Variants in RPL22L1 observed in about 807,000 individuals in gnomAD.
RPL22L1 encodes the protein ribosomal protein L22 like 1.
In RPL22L1, 19 loss-of-function variants were observed where a neutral mutation model predicts 17.3. That is an observed-to-expected ratio of 1.10 (90% CI 0.77 to 1.61). The LOEUF is 1.61. RPL22L1 is among the 40% of genes most tolerant of loss of function. The pLI, the probability that RPL22L1 is intolerant of heterozygous loss-of-function variation, is 0.00. For missense variants in RPL22L1, 139 were observed against 144.4 expected (o/e 0.96, Z 0.19); for synonymous variants, 48 against 48.5 (o/e 0.99, Z 0.05).
Position 170,868,290 on chromosome 3 carries a change from A to T in RPL22L1, c.102+8T>A. 1 of 1,570,772 alleles carries T rather than the reference A, an allele frequency of 6.4e-7. No homozygotes were observed. Among genetic ancestry groups the T allele is most frequent in the Non-Finnish European group, 8.8e-7 (1 of 1,142,674 alleles). ...TTACAAAAATAAGCCGAGTAGAATG[A>T]TACTTACAAAATTTCCAGAATCAAA... On this transcript the variant is annotated splice_region_variant and intron_variant, in intron 2 of 3. Coordinates refer to ENST00000295830, the MANE Select transcript of RPL22L1 (RefSeq NM_001099645.2).
chr3:170,866,363 G>A lies in RPL22L1; in HGVS notation c.*17C>T, dbSNP rs1317780522. On this transcript the variant is annotated 3_prime_UTR_variant, in exon 4 of 4. Transcript: ENST00000295830. ...TTATTTTATTAATAAGCAAAGCCCT[G>A]TAAGGGGAGCCTTTGCCTAGTCCTC... The A allele has an allele frequency of 6.3e-7, 1 of 1,588,726 alleles. No homozygotes were observed. Among genetic ancestry groups the A allele is most frequent in the Non-Finnish European group, 8.6e-7 (1 of 1,165,952 alleles).
intron 1 of RPL22L1, among the ~76,000 whole-genome samples, chr3:170,869,527 A>G (rs1219752885): frequency 2.6e-5 from 4 of 152,348 alleles, no homozygotes; most frequent in East Asian, 1.9e-4. Context: ...TAAATTGCGC[A>G]TGTATATCTA....
At chr3:170,868,244 A>G in intron 2 of RPL22L1, 54 bp downstream of exon 2, 2 of 1,464,638 alleles carry the variant, frequency 1.4e-6, no homozygotes, top group Non-Finnish European at 1.9e-6. Context: ...TATATATTTA[A>G]ACCATTATCA....
intron 1 of RPL22L1, chr3:170,869,915 A>C (rs1434554091): frequency 1.5e-6 from 1 of 670,858 alleles, no homozygotes; most frequent in Admixed American, 2.1e-5. Flanking sequence ...CGCGTGTCCA[A>C]AACCACCCAT....
chr3:170,868,840 A>C (rs1711876183), intron 1 of RPL22L1, among the ~76,000 whole-genome samples: 4 of 150,574 alleles, frequency 2.7e-5, no homozygotes, highest in Admixed American at 2.6e-4. Flanking sequence ...AAAAAGAAAA[A>C]ATAAAAATAA....
chr3:170,868,415 TAG>T, intron 1 of RPL22L1, 25 bp from the exon 2 acceptor site: 1 of 1,396,914 alleles, frequency 7.2e-7, no homozygotes, highest in Non-Finnish European at 1.0e-6. Context: ...AATAATTATG[TAG>T]CTATATAAAA....
chr3:170,868,480 T>C, intron 1 of RPL22L1, 90 bp from the exon 2 acceptor site: 1 of 746,354 alleles, frequency 1.3e-6, no homozygotes, highest in Non-Finnish European at 2.3e-6. Flanking sequence ...ATGCAATCTG[T>C]ACAATGTACT....
rs1711760748 is a variant in RPL22L1, at chr3:170,866,372, G to A, written c.*8C>T. 1 of 1,596,612 alleles carries A rather than the reference G, an allele frequency of 6.3e-7. No homozygotes were observed. Among genetic ancestry groups the A allele is most frequent in the Admixed American group, 1.7e-5 (1 of 58,166 alleles). On this transcript the variant is annotated 3_prime_UTR_variant, in exon 4 of 4. Coordinates refer to ENST00000295830, the MANE Select transcript of RPL22L1 (RefSeq NM_001099645.2). The stretch of plus-strand genomic sequence containing the variant: ...TAATAAGCAAAGCCCTGTAAGGGGA[G>A]CCTTTGCCTAGTCCTCCGACTCTGA...
chr3:170,870,012 C>T, intron 1 of RPL22L1, 147 bp downstream of exon 1: 1 of 1,167,240 alleles, frequency 8.6e-7, no homozygotes, highest in Non-Finnish European at 1.3e-6. Context: ...AGGATCCTCG[C>T]GTCTTGGTTG....
In RPL22L1 at chr3:170,866,197, C is replaced by T; in HGVS notation, c.*183G>A. 2 of 491,406 alleles carry T rather than the reference C, an allele frequency of 4.1e-6. 1 individual carries two copies. 30.4% of individuals were successfully genotyped at this position (491,406 alleles called of 1,614,324 possible). Reference sequence around the variant, plus strand: ...ATACCAGCTATAAGCTATTTAAATACTGTTGATAGTTATCAGAGGGAAATC... The same window carrying T: ...ATACCAGCTATAAGCTATTTAAATATTGTTGATAGTTATCAGAGGGAAATC... On this transcript the variant is annotated 3_prime_UTR_variant, in exon 4 of 4. Coordinates refer to ENST00000295830, the MANE Select transcript of RPL22L1 (RefSeq NM_001099645.2).
intron 1 of RPL22L1, among the ~76,000 whole-genome samples, chr3:170,869,629 T>C (rs1483812396): frequency 6.6e-6 from 1 of 152,214 alleles, no homozygotes; most frequent in Non-Finnish European, 1.5e-5. Context: ...TTATTTCACA[T>C]TGCTGGAATC....
chr3:170,868,319 T>C lies in RPL22L1; in HGVS notation c.81A>G (p.Gly27=). 1 of 1,609,178 alleles carries C rather than the reference T, an allele frequency of 6.2e-7. No individual in the cohort carries two copies. The highest frequency in any genetic ancestry group is 8.5e-7 in the Non-Finnish European group (1 of 1,177,334). ...NLDLTHPVED[G]IFDSGNFEQF... ...TTACAAAATTTCCAGAATCAAAAAT[T>C]CCATCTTCTACTGGATGAGTAAGGT... Residue 27 remains glycine (G), a synonymous_variant, in exon 2 of 4, where the codon GGA becomes GGG. Transcript: ENST00000295830.
Position 170,865,265 on chromosome 3 carries a change from T to C in RPL22L1, c.*1115A>G, listed in dbSNP as rs1451360694. On this transcript the variant is annotated 3_prime_UTR_variant, in exon 4 of 4. Transcript: ENST00000295830. ...TAATGCATAGATTAGGTTGTAACTGTCCAGATATGTTTGGCGACACAATTC... is the reference window on the plus strand; with the variant it reads ...TAATGCATAGATTAGGTTGTAACTGCCCAGATATGTTTGGCGACACAATTC... The C allele has an allele frequency of 1.3e-5, 2 of 152,182 alleles. No homozygotes were observed. The highest frequency in any genetic ancestry group is 6.5e-5 in the Admixed American group (1 of 15,284). 9.4% of individuals were successfully genotyped at this position (152,182 alleles called of 1,614,324 possible).
chr3:170,868,472 GCAATCTGTA>G, intron 1 of RPL22L1, 82 bp from the exon 2 acceptor site: 2 of 838,830 alleles, frequency 2.4e-6, no homozygotes, highest in Non-Finnish European at 3.9e-6. Flanking sequence ...TTGTACCAAT[GCAATCTGTA>G]CAATGTACTG....
In RPL22L1 at chr3:170,867,865, TC is replaced by T. The variant is rs2108280630; in HGVS notation, c.224+147del. The T allele has an allele frequency of 1.2e-5, 8 of 666,342 alleles. No individual in the cohort carries two copies. The East Asian group carries it at 2.3e-4, about 19-fold the overall frequency. The allele number at this position is 666,342 out of a possible 1,614,324, so 41.3% of individuals were successfully genotyped here. ...TACAACTAGACTCAGCAATTGGCAC[TC>T]ATTTACTGAATTTCCCATTTATGTA... On this transcript the variant is annotated intron_variant, in intron 3 of 3. Coordinates refer to ENST00000295830, the MANE Select transcript of RPL22L1 (RefSeq NM_001099645.2).
intron 3 of RPL22L1, 64 bp from the exon 4 acceptor site, chr3:170,866,588 T>C: frequency 3.3e-6 from 4 of 1,209,534 alleles, no homozygotes; most frequent in Non-Finnish European, 4.6e-6. Context: ...AGGTTTACTA[T>C]ACGAAAAATA....
Position 170,865,383 on chromosome 3 carries a change from A to C in RPL22L1, c.*997T>G, listed in dbSNP as rs1354303647. 1 of 152,076 alleles carries C rather than the reference A, an allele frequency of 6.6e-6. No homozygotes were observed. Among genetic ancestry groups the C allele is most frequent in the East Asian group, 1.9e-4 (1 of 5,186 alleles). 9.4% of individuals were successfully genotyped at this position (152,076 alleles called of 1,614,324 possible). A position where few individuals can be genotyped will look rare whatever the true frequency, so the allele number is the denominator to read the frequency against. ...AGGCACATCATTCTTGTCCTCCCTA[A>C]TCTCCTGCAGTATGGATTTTGCCAA... On this transcript the variant is annotated 3_prime_UTR_variant, in exon 4 of 4. Coordinates refer to ENST00000295830, the MANE Select transcript of RPL22L1 (RefSeq NM_001099645.2).
At chr3:170,866,691 A>T (rs1711782895) in intron 3 of RPL22L1, among the ~76,000 whole-genome samples, 167 bp from the exon 4 acceptor site, 2 of 152,188 alleles carry the variant, frequency 1.3e-5, no homozygotes. Context: ...CTGTTAGGGT[A>T]GCATCCTCTT....
rs372204393 is a variant in RPL22L1, at chr3:170,870,144, A to G, written c.9+15T>C. ...ATTGCCACACAACACTCCCACCAAG[A>G]CATCGCTCACTCACCGGCGCCATCT... On this transcript the variant is annotated intron_variant, in intron 1 of 3. Coordinates refer to ENST00000295830, the MANE Select transcript of RPL22L1 (RefSeq NM_001099645.2). 1 of 1,613,988 alleles carries G rather than the reference A, an allele frequency of 6.2e-7. No homozygotes were observed. Among genetic ancestry groups the G allele is most frequent in the East Asian group, 2.2e-5 (1 of 44,884 alleles).
Sources: allele counts gnomAD v4.1 joint callset (sites outside exome capture counted in the v4.1 genomes callset), GRCh38; gene constraint gnomAD v4.1.1; transcripts MANE v1.5; gene names NCBI Gene and HGNC (gene_info 2026-07-23, HGNC 2026-07-21).